The following SIPA1L3 variants were observed in gnomAD, a reference collection of about 807,000 sequenced individuals.
The protein encoded by SIPA1L3 is signal induced proliferation associated 1 like 3, also known as signal-induced proliferation-associated 1-like protein 3.
A neutral mutation model predicts 150.1 loss-of-function variants in SIPA1L3; 59 were observed. The ratio of observed to expected loss-of-function variants is 0.39; its 90% CI spans 0.32 to 0.49. The LOEUF (loss-of-function observed/expected upper bound fraction) is 0.49. SIPA1L3 is among the 20% of genes least tolerant of loss of function. The pLI is 0.86. For synonymous variants in SIPA1L3, 1,070 were observed against 1,077.6 expected (o/e 0.99, Z 0.14); for missense variants, 2,211 against 2,489.5 (o/e 0.89, Z 2.38).
chr19:38,063,542 G>T (rs981448803), intron 2 of SIPA1L3, among the ~76,000 whole-genome samples: 1 of 152,242 alleles, frequency 6.6e-6, no homozygotes, highest in African/African-American at 2.4e-5. Flanking sequence ...CAACAGATGC[G>T]GTCTTAGCAG....
chr19:37,976,032 G>A (rs1029437931), intron 1 of SIPA1L3, among the ~76,000 whole-genome samples: 1 of 150,406 alleles, frequency 6.6e-6, no homozygotes, highest in African/African-American at 2.5e-5. Flanking sequence ...TCGAACCCAG[G>A]AGGTGGAAAT....
At chr19:38,051,666 A>G (rs1599956164) in intron 2 of SIPA1L3, among the ~76,000 whole-genome samples, 1 of 152,100 alleles carries the variant, frequency 6.6e-6, no homozygotes, top group Non-Finnish European at 1.5e-5. Flanking sequence ...GCTCGATCTT[A>G]GCTCATTGCA....
At chr19:37,922,155 G>C (rs2046462450) in intron 1 of SIPA1L3, among the ~76,000 whole-genome samples, 1 of 151,828 alleles carries the variant, frequency 6.6e-6, no homozygotes, top group Non-Finnish European at 1.5e-5. Flanking sequence ...TACAATCTCA[G>C]CTCACTGCAA....
At chr19:37,931,961 T>C (rs2046557845) in intron 1 of SIPA1L3, among the ~76,000 whole-genome samples, 1 of 152,248 alleles carries the variant, frequency 6.6e-6, no homozygotes, top group Non-Finnish European at 1.5e-5. Flanking sequence ...AGAATTCATA[T>C]GTAGCACTTA....
intron 2 of SIPA1L3, among the ~76,000 whole-genome samples, chr19:38,069,369 T>C (rs855599): frequency 0.25 from 38,371 of 151,788 alleles, 6,383 homozygotes; most frequent in African/African-American, 0.48. Flanking sequence ...CAGCGTCCAC[T>C]CCTGTTGACA....
chr19:38,039,693 C>CAAAA (rs60084757), intron 2 of SIPA1L3, among the ~76,000 whole-genome samples: 4 of 73,526 alleles, frequency 5.4e-5, no homozygotes, highest in African/African-American at 1.6e-4. Context: ...GACTCTGTCT[C>CAAAA]AAAAAAAAAA....
chr19:37,984,556 G>A (rs1375043771), intron 1 of SIPA1L3, among the ~76,000 whole-genome samples: 1 of 152,090 alleles, frequency 6.6e-6, no homozygotes, highest in African/African-American at 2.4e-5. Flanking sequence ...ACTAGGCTAG[G>A]GCAAGTAACA....
chr19:38,173,628 G>A (rs990432034), intron 15 of SIPA1L3: 2 of 152,290 alleles, frequency 1.3e-5, no homozygotes, highest in Non-Finnish European at 2.9e-5. Context: ...CCCAGGCTGC[G>A]CCAGGAGTCC....
intron 1 of SIPA1L3, among the ~76,000 whole-genome samples, chr19:37,941,479 G>A: frequency 6.9e-6 from 1 of 145,316 alleles, no homozygotes; most frequent in South Asian, 2.2e-4. Context: ...TTCCTGCAGA[G>A]ATTCAAATCT....
At chr19:38,199,639 A>G (rs1973042286) in intron 19 of SIPA1L3, among the ~76,000 whole-genome samples, 1 of 152,008 alleles carries the variant, frequency 6.6e-6, no homozygotes, top group Non-Finnish European at 1.5e-5. Flanking sequence ...AAGACCTGGG[A>G]GGAAGCACAC....
At chr19:37,923,847 C>T (rs913448659) in intron 1 of SIPA1L3, among the ~76,000 whole-genome samples, 1 of 151,960 alleles carries the variant, frequency 6.6e-6, no homozygotes, top group Non-Finnish European at 1.5e-5. Flanking sequence ...GCAACCTCTG[C>T]CTCTCGGGTT....
At chr19:37,975,826 C>G (rs932302504) in intron 1 of SIPA1L3, among the ~76,000 whole-genome samples, 8 of 152,028 alleles carry the variant, frequency 5.3e-5, no homozygotes, top group Non-Finnish European at 1.0e-4. Flanking sequence ...GGGGGTTGGC[C>G]GGGCGCAGTG....
rs1971674209 is a variant in SIPA1L3 at position 38,145,014 on chromosome 19, G to A, written c.3533+2304G>A. 2.0e-5 allele frequency among the ~76,000 whole-genome samples: 3 copies of A among 152,168 alleles called. No homozygotes were observed. The South Asian group carries it at 6.2e-4, about 32-fold the overall frequency. On this transcript the variant is annotated intron_variant, in intron 12 of 21. Transcript: ENST00000222345. ...AGAATCAGAGAGGAATCGGGTGTGTGCGGGACATGGGGTGTGGGGGCACCC... is the reference window on the plus strand; with the variant it reads ...AGAATCAGAGAGGAATCGGGTGTGTACGGGACATGGGGTGTGGGGGCACCC...
intron 20 of SIPA1L3, 134 bp downstream of exon 20, chr19:38,202,131 C>A: frequency 2.5e-6 from 2 of 791,618 alleles, no homozygotes; most frequent in Non-Finnish European, 3.9e-6. Flanking sequence ...AGCAGCTACT[C>A]CCCCCTCCTA....
At chr19:37,990,185 T>G (rs952124374) in intron 1 of SIPA1L3, among the ~76,000 whole-genome samples, 1 of 152,012 alleles carries the variant, frequency 6.6e-6, no homozygotes, top group Admixed American at 6.6e-5. Context: ...AATTCCCAGG[T>G]CATTTTATAC....
intron 1 of SIPA1L3, among the ~76,000 whole-genome samples, chr19:37,923,216 G>A (rs568980062): frequency 6.6e-5 from 10 of 152,112 alleles, no homozygotes; most frequent in Non-Finnish European, 1.3e-4. Context: ...ACAGGCAAAG[G>A]GCCTAGGAAG....
chr19:38,072,608 A>G (rs780087010), intron 2 of SIPA1L3, among the ~76,000 whole-genome samples: 97 of 152,266 alleles, frequency 6.4e-4, no homozygotes, highest in Non-Finnish European at 1.2e-3. Flanking sequence ...CTTCAGCTCC[A>G]GCACTCCTGG....
chr19:38,057,074 C>A (rs1346069665), intron 2 of SIPA1L3, among the ~76,000 whole-genome samples: 1 of 151,992 alleles, frequency 6.6e-6, no homozygotes, highest in Admixed American at 6.6e-5. Flanking sequence ...GGTTCGAGAC[C>A]AGTCTGGCCA....
At chr19:38,007,355 AG>A (rs1967971334) in intron 1 of SIPA1L3, among the ~76,000 whole-genome samples, 1 of 150,636 alleles carries the variant, frequency 6.6e-6, no homozygotes, top group Non-Finnish European at 1.5e-5. Flanking sequence ...CTGGAGGCTG[AG>A]GCAGGAGAAT....
Sources: gnomAD v4.1 joint callset for allele counts (sites outside exome capture counted in the v4.1 genomes callset) on GRCh38, gnomAD v4.1.1 for gene constraint, MANE v1.5 for transcripts, NCBI Gene and HGNC (gene_info 2026-07-23, HGNC 2026-07-21) for gene names.